The following EDIL3 variants were observed in gnomAD, a reference collection of about 807,000 sequenced individuals.
EDIL3 encodes EGF like and discoidin domains 3.
A neutral mutation model predicts 67.4 loss-of-function variants in EDIL3; 37 were observed. The ratio of observed to expected loss-of-function variants is 0.55; its 90% CI spans 0.42 to 0.72. The LOEUF is 0.72. Ranked by LOEUF, EDIL3 falls within the 30% of genes least tolerant of loss-of-function variation. The probability of loss-of-function intolerance (pLI) is 0.00; values close to 1 mark genes in which losing one functional copy is unlikely to be tolerated. For synonymous variants in EDIL3, 195 were observed against 196.3 expected (o/e 0.99, Z 0.05); for missense variants, 527 against 586.3 (o/e 0.90, Z 1.04).
At chr5:84,028,309 T>C (rs1343287875) in intron 9 of EDIL3, among the ~76,000 whole-genome samples, 3 of 152,200 alleles carry the variant, frequency 2.0e-5, no homozygotes, top group Non-Finnish European at 2.9e-5. Flanking sequence ...AGTAGCCAGA[T>C]TAATCATTCT....
intron 1 of EDIL3, among the ~76,000 whole-genome samples, chr5:84,343,456 C>T (rs1369875429): frequency 1.3e-5 from 2 of 152,026 alleles, no homozygotes; most frequent in East Asian, 1.9e-4. Context: ...TAATGAATTG[C>T]CTTTTTTTAG....
Position 84,107,691 on chromosome 5 carries a change from G to A in EDIL3, c.470-861C>T, listed in dbSNP as rs899193700. 2.7e-5 allele frequency among the ~76,000 whole-genome samples: 4 copies of A among 150,328 alleles called. No homozygotes were observed. The East Asian group carries it at 5.8e-4, about 22-fold the overall frequency. Reference sequence around the variant, plus strand: ...AATGATATGTTCTCAGATACCAAATGTATTTAGTTTTTCAAATTAGAAATG... The same window carrying A: ...AATGATATGTTCTCAGATACCAAATATATTTAGTTTTTCAAATTAGAAATG... On this transcript the variant is annotated intron_variant, in intron 5 of 10. Coordinates refer to ENST00000296591, the MANE Select transcript of EDIL3 (RefSeq NM_005711.5).
At chr5:84,185,730 G>A (rs1277964450) in intron 3 of EDIL3, among the ~76,000 whole-genome samples, 1 of 151,988 alleles carries the variant, frequency 6.6e-6, no homozygotes, top group Non-Finnish European at 1.5e-5. Context: ...AGATTCCAAT[G>A]TGTTTTGTCT....
Position 84,343,437 on chromosome 5 carries a change from C to T in EDIL3, c.67+40871G>A, listed in dbSNP as rs73144551. Among the ~76,000 whole-genome samples the T allele has an allele frequency of 2.8e-3, 430 of 151,966 alleles. 3 individuals are homozygous for T. The highest frequency in any genetic ancestry group is 0.01 in the African/African-American group (419 of 41,460). ...TAAAAATAGTTTCTTGACATTCATGCTTTGTCAGTAATGAATTGCCTTTTT... is the reference window on the plus strand; with the variant it reads ...TAAAAATAGTTTCTTGACATTCATGTTTTGTCAGTAATGAATTGCCTTTTT... On this transcript the variant is annotated intron_variant, in intron 1 of 10. Transcript: ENST00000296591.
In EDIL3 at chr5:83,943,386, A is replaced by G; in HGVS notation, c.*33T>C. 6.2e-7 allele frequency: 1 copy of G among 1,611,458 alleles called. No individual in the cohort carries two copies. Among genetic ancestry groups the G allele is most frequent in the Non-Finnish European group, 8.5e-7 (1 of 1,178,678 alleles). ...ATTCCATGGAGATACTTTTAGGGAA[A>G]TAGGGAAGAGGGTTGTGAAATGTAG... On this transcript the variant is annotated 3_prime_UTR_variant, in exon 11 of 11. Coordinates refer to ENST00000296591, the MANE Select transcript of EDIL3 (RefSeq NM_005711.5).
Position 84,194,873 on chromosome 5 carries a change from G to T in EDIL3, c.227-14352C>A, listed in dbSNP as rs988630143. On this transcript the variant is annotated intron_variant, in intron 3 of 10. Transcript: ENST00000296591. Reference sequence around the variant, plus strand: ...CATAAAACAGTAAGGTTTCCTTCACGAAAGTTATTAGACATTTTAGATCCC... The same window carrying T: ...CATAAAACAGTAAGGTTTCCTTCACTAAAGTTATTAGACATTTTAGATCCC... Among the ~76,000 whole-genome samples the T allele has an allele frequency of 1.3e-5, 2 of 151,792 alleles. 1 individual carries two copies. Among genetic ancestry groups the T allele is most frequent in the Non-Finnish European group, 2.9e-5 (2 of 67,824 alleles).
At chr5:84,353,008 C>A in intron 1 of EDIL3, among the ~76,000 whole-genome samples, 1 of 152,002 alleles carries the variant, frequency 6.6e-6, no homozygotes, top group East Asian at 1.9e-4. Context: ...TAGGGTACTT[C>A]TTAGAGGCAA....
chr5:83,984,951 CCACACA>C (rs6149090), intron 9 of EDIL3, among the ~76,000 whole-genome samples: 52,045 of 149,728 alleles, frequency 0.35, 9,745 homozygotes, highest in East Asian at 0.63. Flanking sequence ...CAAACATACA[CCACACA>C]CACACACACA....
chr5:84,061,222 A>G (rs1746536075), intron 8 of EDIL3, among the ~76,000 whole-genome samples: 1 of 152,136 alleles, frequency 6.6e-6, no homozygotes, highest in Non-Finnish European at 1.5e-5. Context: ...TAACCTATAA[A>G]GTTTAGATAT....
At chr5:84,175,640 A>T (rs576117844) in intron 4 of EDIL3, among the ~76,000 whole-genome samples, 1 of 152,192 alleles carries the variant, frequency 6.6e-6, no homozygotes, top group African/African-American at 2.4e-5. Context: ...TTAGGCACAG[A>T]TCCATTAAAT....
chr5:84,209,625 C>A (rs1744071976), intron 3 of EDIL3, among the ~76,000 whole-genome samples: 3 of 129,752 alleles, frequency 2.3e-5, no homozygotes, highest in Non-Finnish European at 5.0e-5. Context: ...AAAGGATTAA[C>A]TAAACTTATT....
chr5:83,998,968 G>A (rs1305122611), intron 9 of EDIL3, among the ~76,000 whole-genome samples: 1 of 152,070 alleles, frequency 6.6e-6, no homozygotes, highest in Non-Finnish European at 1.5e-5. Flanking sequence ...AGACAGTAAG[G>A]GAAGAGAATA....
intron 5 of EDIL3, among the ~76,000 whole-genome samples, chr5:84,128,603 G>T (rs1410491276): frequency 6.6e-6 from 1 of 152,026 alleles, no homozygotes; most frequent in Non-Finnish European, 1.5e-5. Context: ...TATTTGGGTT[G>T]TCCCCCTGCT....
chr5:83,962,240 TA>T (rs1744616874), intron 10 of EDIL3, among the ~76,000 whole-genome samples: 1 of 151,484 alleles, frequency 6.6e-6, no homozygotes, highest in Admixed American at 6.6e-5. Flanking sequence ...TTACATAACA[TA>T]AAAATAATTA....
chr5:84,321,730 G>A (rs1746653809), intron 1 of EDIL3, among the ~76,000 whole-genome samples: 1 of 152,068 alleles, frequency 6.6e-6, no homozygotes, highest in Admixed American at 6.6e-5. Flanking sequence ...TGATCACAGA[G>A]GTGCAGAAAA....
At chr5:84,293,539 G>T (rs1253959515) in intron 1 of EDIL3, among the ~76,000 whole-genome samples, 1 of 151,976 alleles carries the variant, frequency 6.6e-6, no homozygotes, top group Non-Finnish European at 1.5e-5. Context: ...AGGGAAAAAT[G>T]AATCGTGTCA....
chr5:84,366,692 C>T (rs1477246786), intron 1 of EDIL3, among the ~76,000 whole-genome samples: 1 of 151,956 alleles, frequency 6.6e-6, no homozygotes, highest in East Asian at 1.9e-4. Flanking sequence ...GAAAGTATTC[C>T]ACTAACTACG....
At position 84,236,894 on chromosome 5, in the gene EDIL3, A is replaced by G. The variant is rs746429739; in HGVS notation, c.197-7010T>C. ...GGGATAAAGCAGATCAAAAGTTAAT[A>G]TAAATGATTTCTCAGATTTATCCAT... On this transcript the variant is annotated intron_variant, in intron 2 of 10. Transcript: ENST00000296591. 4.6e-5 allele frequency among the ~76,000 whole-genome samples: 7 copies of G among 152,100 alleles called. No homozygotes were observed. In the South Asian group the frequency reaches 1.4e-3, roughly 31 times the overall value.
At chr5:84,009,197 T>TAA (rs201575093) in intron 9 of EDIL3, among the ~76,000 whole-genome samples, 2 of 151,264 alleles carry the variant, frequency 1.3e-5, no homozygotes, top group Admixed American at 1.3e-4. Context: ...TTTCCCAAAA[T>TAA]AAAAAAAAAT....
Sources: gnomAD v4.1 joint callset for allele counts (sites outside exome capture counted in the v4.1 genomes callset) on GRCh38, gnomAD v4.1.1 for gene constraint, MANE v1.5 for transcripts, NCBI Gene and HGNC (gene_info 2026-07-23, HGNC 2026-07-21) for gene names.